RNF111: variants seen among roughly 807,000 people sequenced by gnomAD.
RNF111 encodes ring finger protein 111, also known as E3 ubiquitin-protein ligase Arkadia.
A neutral mutation model predicts 95.1 loss-of-function variants in RNF111; 17 were observed. That is an observed-to-expected ratio of 0.18 (90% CI 0.12 to 0.27). RNF111 has a LOEUF of 0.27. Ranked by LOEUF, RNF111 falls within the 10% of genes least tolerant of loss-of-function variation. The probability of loss-of-function intolerance (pLI) is 1.00; values close to 1 mark genes in which losing one functional copy is unlikely to be tolerated. For synonymous variants in RNF111, 440 were observed against 414.8 expected (o/e 1.06, Z -0.74); for missense variants, 1,189 against 1,210.4 (o/e 0.98, Z 0.26).
chr15:59,017,203 C>T (rs1177407931), intron 1 of RNF111, among the ~76,000 whole-genome samples: 2 of 151,764 alleles, frequency 1.3e-5, no homozygotes, highest in Admixed American at 6.6e-5. Context: ...TCCCTGGTGC[C>T]AAAAAGGTTG....
rs1225809890 is a variant in RNF111 at position 59,095,435 on chromosome 15, A to G, written c.*535A>G. 6.4e-6 allele frequency: 1 copy of G among 156,086 alleles called. No individual in the cohort carries two copies. Among genetic ancestry groups the G allele is most frequent in the Non-Finnish European group, 1.4e-5 (1 of 71,000 alleles). 9.7% of individuals were successfully genotyped at this position (156,086 alleles called of 1,614,324 possible). On this transcript the variant is annotated 3_prime_UTR_variant, in exon 14 of 14. Coordinates refer to ENST00000348370, the MANE Select transcript of RNF111 (RefSeq NM_017610.8). ...ATTTACTATATGGAGTTCTGAGTTA[A>G]ATACCATCCTTAATACTGGGAACAG...
At chr15:59,060,208 C>T (rs919910119) in intron 5 of RNF111, among the ~76,000 whole-genome samples, 1 of 151,896 alleles carries the variant, frequency 6.6e-6, no homozygotes, top group African/African-American at 2.4e-5. Context: ...AAAATGTAGG[C>T]AGAAATGAAA....
chr15:59,087,814 CTGTA>C (rs1364196073), intron 10 of RNF111, among the ~76,000 whole-genome samples: 1 of 151,980 alleles, frequency 6.6e-6, no homozygotes, highest in Non-Finnish European at 1.5e-5. Flanking sequence ...CAAGGGTGAA[CTGTA>C]ATATGGTCAG....
At position 59,097,187 on chromosome 15, in the gene RNF111, C is replaced by G. The variant is rs992057638; in HGVS notation, c.*2287C>G. 2.6e-5 allele frequency: 4 copies of G among 152,246 alleles called. No homozygotes were observed. The highest frequency in any genetic ancestry group is 4.8e-5 in the African/African-American group (2 of 41,472). 9.4% of individuals were successfully genotyped at this position (152,246 alleles called of 1,614,324 possible). Reference sequence around the variant, plus strand: ...TTTTTGTGCTTTGTTTTGGTGTCTTCCATATCCTGCTGCATCTTATATGTC... The same window carrying G: ...TTTTTGTGCTTTGTTTTGGTGTCTTGCATATCCTGCTGCATCTTATATGTC... On this transcript the variant is annotated 3_prime_UTR_variant, in exon 14 of 14. Transcript: ENST00000348370.
intron 3 of RNF111, among the ~76,000 whole-genome samples, chr15:59,053,103 T>A (rs1478797985): frequency 6.6e-6 from 1 of 152,180 alleles, no homozygotes; most frequent in Non-Finnish European, 1.5e-5. Flanking sequence ...CTTGTGCTGT[T>A]ACTGTGTTAG....
At chr15:59,025,713 G>C (rs1358917815) in intron 1 of RNF111, among the ~76,000 whole-genome samples, 2 of 151,460 alleles carry the variant, frequency 1.3e-5, no homozygotes, top group Non-Finnish European at 2.9e-5. Flanking sequence ...AAAATGCCAA[G>C]TCATCTATGG....
Position 59,070,101 on chromosome 15 carries a change from C to T in RNF111, c.1686+3018C>T, listed in dbSNP as rs189295374. On this transcript the variant is annotated intron_variant, in intron 6 of 13. Transcript: ENST00000348370. ...TGTTTCTCAGGCTGGCCTTAAACTCCTGGGCTTAAGTAATCCTCCTGCCCC... is the reference window on the plus strand; with the variant it reads ...TGTTTCTCAGGCTGGCCTTAAACTCTTGGGCTTAAGTAATCCTCCTGCCCC... Among the ~76,000 whole-genome samples the T allele has an allele frequency of 7.7e-4, 103 of 133,936 alleles. 1 individual carries two copies. The East Asian group carries it at 0.023, about 29-fold the overall frequency. 87.9% of individuals were successfully genotyped at this position (133,936 alleles called of 152,430 possible). A position where few individuals can be genotyped will look rare whatever the true frequency, so the allele number is the denominator to read the frequency against.
In RNF111 at chr15:59,041,573, A is replaced by C. The variant is rs557439659; in HGVS notation, c.880+9871A>C. ...GGGACTCTGTCTCAAAAGAAAAAAAAAATTACTGCAATAAATAGCTTTTTG... is the reference window on the plus strand; with the variant it reads ...GGGACTCTGTCTCAAAAGAAAAAAACAATTACTGCAATAAATAGCTTTTTG... On this transcript the variant is annotated intron_variant, in intron 2 of 13. Coordinates refer to ENST00000348370, the MANE Select transcript of RNF111 (RefSeq NM_017610.8). Among the ~76,000 whole-genome samples, 36 of 152,328 alleles carry C rather than the reference A, an allele frequency of 2.4e-4. No homozygotes were observed. In the South Asian group the frequency reaches 5.0e-3, roughly 21 times the overall value.
chr15:59,096,224 G>T lies in RNF111; in HGVS notation c.*1324G>T. 2.5e-6 allele frequency: 1 copy of T among 395,574 alleles called. No homozygotes were observed. Among genetic ancestry groups the T allele is most frequent in the Non-Finnish European group, 4.5e-6 (1 of 224,314 alleles). The allele number at this position is 395,574 out of a possible 1,614,324, so 24.5% of individuals were successfully genotyped here. ...ACTTCAGGATGCATATTATTATCAA[G>T]ATACTTTCATATACAGGATAGCCTA... On this transcript the variant is annotated 3_prime_UTR_variant, in exon 14 of 14. Coordinates refer to ENST00000348370, the MANE Select transcript of RNF111 (RefSeq NM_017610.8).
Position 59,030,940 on chromosome 15 carries a change from C to T in RNF111, c.118C>T (p.Pro40Ser), listed in dbSNP as rs2040873078. 6.2e-7 allele frequency: 1 copy of T among 1,614,204 alleles called. No individual in the cohort carries two copies. Residue 40 changes from proline (P) to serine (S), a missense_variant, in exon 2 of 14, where the codon CCA becomes TCA. Around this residue, in one of 2 missense-constraint regions of RNF111, gnomAD observed 1,024 missense variants for 925.9 expected, o/e 1.11. Coordinates refer to ENST00000348370, the MANE Select transcript of RNF111 (RefSeq NM_017610.8). ...GAGTCTGAAAGGGATCCTTTTGCAT[C>T]CAGAGCCCATTGGGGCAGCCAAAAG... is the stretch of plus-strand genomic sequence containing the variant. ...QESLKGILLHPEPIGAAKSFP... is the reference protein window; with the variant it reads ...QESLKGILLHSEPIGAAKSFP...
At chr15:59,018,768 T>C (rs1242003201) in intron 1 of RNF111, among the ~76,000 whole-genome samples, 4 of 152,132 alleles carry the variant, frequency 2.6e-5, no homozygotes, top group African/African-American at 9.6e-5. Context: ...CATAACAGTT[T>C]GTACAAATCC....
chr15:59,053,191 T>C (rs1351824172), intron 3 of RNF111, among the ~76,000 whole-genome samples: 1 of 152,206 alleles, frequency 6.6e-6, no homozygotes, highest in Non-Finnish European at 1.5e-5. Flanking sequence ...AACTAACACA[T>C]TAATGAAACA....
intron 3 of RNF111, among the ~76,000 whole-genome samples, chr15:59,054,900 C>G (rs2042141709): frequency 1.3e-5 from 2 of 152,158 alleles, no homozygotes; most frequent in South Asian, 4.1e-4. Flanking sequence ...CCTCACCTTT[C>G]TAAAAGATTT....
chr15:59,011,019 G>A (rs2039777076), intron 1 of RNF111, among the ~76,000 whole-genome samples: 1 of 152,088 alleles, frequency 6.6e-6, no homozygotes, highest in Non-Finnish European at 1.5e-5. Context: ...ACAGATAGTT[G>A]TTTGAATTTG....
chr15:59,027,533 C>CTT (rs201452276), intron 1 of RNF111, among the ~76,000 whole-genome samples: 6 of 144,538 alleles, frequency 4.2e-5, no homozygotes, highest in South Asian at 2.2e-4. Context: ...ACCTTTTTTT[C>CTT]TTTTTTTTTT....
rs1398469439 is a variant in RNF111, at chr15:59,095,748, G to A, written c.*848G>A. Reference sequence around the variant, plus strand: ...CTTGCAGATTTAACAAAATTTTAGGGAAATTGAAAAAGACATGTAGAATTT... The same window carrying A: ...CTTGCAGATTTAACAAAATTTTAGGAAAATTGAAAAAGACATGTAGAATTT... On this transcript the variant is annotated 3_prime_UTR_variant, in exon 14 of 14. Transcript: ENST00000348370. 2.9e-6 allele frequency: 1 copy of A among 344,906 alleles called. No homozygotes were observed. Among genetic ancestry groups the A allele is most frequent in the African/African-American group, 2.1e-5 (1 of 47,502 alleles). 21.4% of individuals were successfully genotyped at this position (344,906 alleles called of 1,614,324 possible).
Position 59,095,062 on chromosome 15 carries a change from A to T in RNF111, c.*162A>T, listed in dbSNP as rs1347154812. The stretch of plus-strand genomic sequence containing the variant: ...CTAATGCTAGACCTACAGTTTATGT[A>T]TACAGTTGATTTTGATGTATTTATA... On this transcript the variant is annotated 3_prime_UTR_variant, in exon 14 of 14. Transcript: ENST00000348370. The T allele has an allele frequency of 1.6e-6, 1 of 632,386 alleles. No individual in the cohort carries two copies. The highest frequency in any genetic ancestry group is 2.8e-6 in the Non-Finnish European group (1 of 353,344). The allele number at this position is 632,386 out of a possible 1,614,324, so 39.2% of individuals were successfully genotyped here.
Position 59,031,357 on chromosome 15 carries a change from G to A in RNF111, c.535G>A (p.Ala179Thr), listed in dbSNP as rs368044663. 4 of 1,614,050 alleles carry A rather than the reference G, an allele frequency of 2.5e-6. No individual in the cohort carries two copies. Among genetic ancestry groups the A allele is most frequent in the Admixed American group, 1.7e-5 (1 of 59,998 alleles). The stretch of plus-strand genomic sequence containing the variant: ...GAATGCTAAAAGTAGAAGCCATAGT[G>A]CACGGTCTCATAAGTGGCCTCGGAC... ...ILNAKSRSHS[A>T]RSHKWPRTET... Residue 179 changes from alanine to threonine, a missense_variant, in exon 2 of 14, where the codon GCA becomes ACA. Ala to Thr is a moderately conservative substitution (Grantham distance 58). This residue lies in a region of RNF111 where 1,024 missense variants were observed against 925.9 expected (regional missense o/e 1.11). Coordinates refer to ENST00000348370, the MANE Select transcript of RNF111 (RefSeq NM_017610.8).
chr15:59,058,575 A>T, intron 5 of RNF111, 25 bp downstream of exon 5: 1 of 1,594,674 alleles, frequency 6.3e-7, no homozygotes, highest in Non-Finnish European at 8.6e-7. Context: ...GGGGGAGGGG[A>T]GACTTTTTGT....
Sources: allele counts gnomAD v4.1 joint callset (sites outside exome capture counted in the v4.1 genomes callset), GRCh38; gene constraint gnomAD v4.1.1; regional missense constraint gnomAD v4.1.1; transcripts MANE v1.5; gene names NCBI Gene and HGNC (gene_info 2026-07-23, HGNC 2026-07-21).